The following EDC4 variants were observed in gnomAD, a reference collection of about 807,000 sequenced individuals.
EDC4 encodes enhancer of mRNA-decapping protein 4.
A neutral mutation model predicts 155.8 loss-of-function variants in EDC4; 64 were observed. The ratio of observed to expected loss-of-function variants is 0.41; its 90% CI spans 0.34 to 0.51. The LOEUF is 0.51. Among genes scored for constraint, EDC4 ranks in the 20% least tolerant of loss-of-function variants. The pLI, the probability that EDC4 is intolerant of heterozygous loss-of-function variation, is 0.19. For missense variants in EDC4, 1,303 were observed against 1,812.5 expected, an observed-to-expected ratio of 0.72 and a Z score of 5.10; for synonymous variants, 684 against 716.8, an observed-to-expected ratio of 0.95 and a Z score of 0.73.
chr16:67,879,493 C>T lies in EDC4; in HGVS notation c.1623C>T (p.His541=), dbSNP rs61741986. ...VVAPLPTHTA[H]EDFTFGESRP... Reference sequence around the variant, plus strand: ...CCCCACTGCCCACCCACACTGCCCACGAGGACTTCAGTGAGTAGGGCGTGA... The same window carrying T: ...CCCCACTGCCCACCCACACTGCCCATGAGGACTTCAGTGAGTAGGGCGTGA... The change falls in exon 14 of 29, where the codon CAC becomes CAT. Residue 541 remains histidine (H), a synonymous_variant. Coordinates refer to ENST00000358933, the MANE Select transcript of EDC4 (RefSeq NM_014329.5). The surrounding 1 kb of genome is among the most constrained non-coding windows in gnomAD (Gnocchi z 6.0). 981 of 1,614,188 alleles carry T rather than the reference C, an allele frequency of 6.1e-4. 7 individuals are homozygous for T. The African/African-American group carries it at 0.011, about 18-fold the overall frequency.
rs751956493 is a variant in EDC4, at chr16:67,880,241, A to C, written c.2097+25A>C. 68 of 1,573,780 alleles carry C rather than the reference A, an allele frequency of 4.3e-5. No homozygotes were observed. Among genetic ancestry groups the C allele is most frequent in the Non-Finnish European group, 5.5e-5 (64 of 1,161,650 alleles). On this transcript the variant is annotated intron_variant, in intron 17 of 28. Transcript: ENST00000358933. The surrounding 1 kb of genome is among the most constrained non-coding windows in gnomAD (Gnocchi z 5.2). The stretch of plus-strand genomic sequence containing the variant: ...GGTGTGTGACTGGGTGTGTGTGTGA[A>C]GTGTGGGGAGCAGGTGGGCAGCAGC...
intron 1 of EDC4, 179 bp downstream of exon 1, chr16:67,873,522 C>T: frequency 2.1e-6 from 1 of 472,342 alleles, no homozygotes; most frequent in Middle Eastern, 3.9e-4. Context: ...GTGACCCCTC[C>T]CTATCTTGTC....
chr16:67,877,158 T>C lies in EDC4; in HGVS notation c.452-59T>C, dbSNP rs2058045232. On this transcript the variant is annotated intron_variant, in intron 4 of 28. Transcript: ENST00000358933. The surrounding 1 kb of genome is among the most constrained non-coding windows in gnomAD (Gnocchi z 4.9). ...GCAGGGAGACAGGTGGGGCAGCGCT[T>C]CTCTGCTACTGCCTGAGCCTGGATA... The C allele has an allele frequency of 6.4e-7, 1 of 1,560,440 alleles. No individual in the cohort carries two copies. The highest frequency in any genetic ancestry group is 8.7e-7 in the Non-Finnish European group (1 of 1,151,570).
Position 67,883,805 on chromosome 16 carries a change from C to A in EDC4, c.4013+74C>A. 6.4e-7 allele frequency: 1 copy of A among 1,569,816 alleles called. No homozygotes were observed. The highest frequency in any genetic ancestry group is 8.7e-7 in the Non-Finnish European group (1 of 1,148,100). On this transcript the variant is annotated intron_variant, in intron 28 of 28. Transcript: ENST00000358933. This position sits in a 1 kb window ranked among gnomAD's most constrained non-coding sequence, Gnocchi z 5.3. ...GTGGGAGGGAGCAGTTTGAAGCTGA[C>A]GCCCACTTCTGCCTGAATCCTCTCC...
Position 67,881,664 on chromosome 16 carries a change from A to G in EDC4, c.2827-4A>G. ...CATCGTGTGACTGTCAGTGCTACTG[A>G]CAGGTGGCAGAGCCCCCTGAGGACT... On this transcript the variant is annotated splice_polypyrimidine_tract_variant and splice_region_variant and intron_variant, in intron 21 of 28. Transcript: ENST00000358933. The surrounding 1 kb of genome is among the most constrained non-coding windows in gnomAD (Gnocchi z 5.4). The G allele has an allele frequency of 6.2e-7, 1 of 1,611,458 alleles. No homozygotes were observed. Among genetic ancestry groups the G allele is most frequent in the Non-Finnish European group, 8.5e-7 (1 of 1,177,894 alleles).
Position 67,878,334 on chromosome 16 carries a change from C to G in EDC4, c.1005-26C>G. ...GAGGTAGCCCACCCGACCACTCACT[C>G]AGGCCCCTCATCTGCCTACCTGCAG... On this transcript the variant is annotated intron_variant, in intron 8 of 28. Coordinates refer to ENST00000358933, the MANE Select transcript of EDC4 (RefSeq NM_014329.5). The surrounding 1 kb of genome is among the most constrained non-coding windows in gnomAD (Gnocchi z 5.2). 6.2e-7 allele frequency: 1 copy of G among 1,614,240 alleles called. No homozygotes were observed. Among genetic ancestry groups the G allele is most frequent in the East Asian group, 2.2e-5 (1 of 44,890 alleles).
Position 67,882,556 on chromosome 16 carries a change from A to G in EDC4, c.3404A>G (p.Gln1135Arg). 2.5e-6 allele frequency: 4 copies of G among 1,614,246 alleles called. No homozygotes were observed. Among genetic ancestry groups the G allele is most frequent in the Non-Finnish European group, 3.4e-6 (4 of 1,180,040 alleles). Reference sequence around the variant, plus strand: ...GAGAAGAGCTGCCAGGCCATGTTCCAGCAAATCAATGATAGCTTCCGGCTG... The same window carrying G: ...GAGAAGAGCTGCCAGGCCATGTTCCGGCAAATCAATGATAGCTTCCGGCTG... Reference protein sequence around the residue: ...AFEKSCQAMFQQINDSFRLGT... With the variant: ...AFEKSCQAMFRQINDSFRLGT... The change falls in exon 25 of 29, where the codon CAG becomes CGG. Residue 1135 changes from glutamine to arginine, a missense_variant. Coordinates refer to ENST00000358933, the MANE Select transcript of EDC4 (RefSeq NM_014329.5). The surrounding 1 kb of genome is among the most constrained non-coding windows in gnomAD (Gnocchi z 7.2).
In EDC4 at chr16:67,879,351, G is replaced by A; in HGVS notation, c.1541+42G>A. 6.2e-7 allele frequency: 1 copy of A among 1,614,210 alleles called. No individual in the cohort carries two copies. Among genetic ancestry groups the A allele is most frequent in the Non-Finnish European group, 8.5e-7 (1 of 1,180,036 alleles). On this transcript the variant is annotated intron_variant, in intron 13 of 28. Transcript: ENST00000358933. This position sits in a 1 kb window ranked among gnomAD's most constrained non-coding sequence, Gnocchi z 6.0. ...GCCCGCCAGTGTCCTGTCTGTGTCT[G>A]TCTCCACTCTACTGACCCTTGCCCT...
In EDC4 at chr16:67,877,960, C is replaced by G. The variant is rs1315411056; in HGVS notation, c.894+115C>G. The G allele has an allele frequency of 2.0e-6, 3 of 1,521,558 alleles. No individual in the cohort carries two copies. In the East Asian group the frequency reaches 7.3e-5, roughly 37 times the overall value. The allele number at this position is 1,521,558 out of a possible 1,614,324, so 94.3% of individuals were successfully genotyped here. ...TACTAGCATTCTGCCCGTGGGGACT[C>G]TGAGCTCAAATTGGCCCTCACCTGT... On this transcript the variant is annotated intron_variant, in intron 7 of 28. Transcript: ENST00000358933. The surrounding 1 kb of genome is among the most constrained non-coding windows in gnomAD (Gnocchi z 4.9).
chr16:67,883,232 A>G lies in EDC4; in HGVS notation c.3849+55A>G. The stretch of plus-strand genomic sequence containing the variant: ...TCACGTGTCTCTTGACAAGGCCCAC[A>G]TACCATACATTCTACTCCACCCACC... On this transcript the variant is annotated intron_variant, in intron 27 of 28. Transcript: ENST00000358933. This position sits in a 1 kb window ranked among gnomAD's most constrained non-coding sequence, Gnocchi z 5.3. The G allele has an allele frequency of 5.3e-6, 8 of 1,503,538 alleles. No individual in the cohort carries two copies. The highest frequency in any genetic ancestry group is 1.4e-5 in the African/African-American group (1 of 72,674). 93.1% of individuals were successfully genotyped at this position (1,503,538 alleles called of 1,614,324 possible). A position where few individuals can be genotyped will look rare whatever the true frequency, so the allele number is the denominator to read the frequency against.
rs773650582 is a variant in EDC4 at position 67,877,490 on chromosome 16, C to T, written c.642-19C>T. Reference sequence around the variant, plus strand: ...CACGCCTCTTCATTCATCTATCTAGCCCTTAACACCCTGCTCAGAGAAGAG... The same window carrying T: ...CACGCCTCTTCATTCATCTATCTAGTCCTTAACACCCTGCTCAGAGAAGAG... On this transcript the variant is annotated intron_variant, in intron 5 of 28. Coordinates refer to ENST00000358933, the MANE Select transcript of EDC4 (RefSeq NM_014329.5). This position sits in a 1 kb window ranked among gnomAD's most constrained non-coding sequence, Gnocchi z 4.9. 6.2e-7 allele frequency: 1 copy of T among 1,613,906 alleles called. No individual in the cohort carries two copies. Among genetic ancestry groups the T allele is most frequent in the Non-Finnish European group, 8.5e-7 (1 of 1,179,870 alleles).
Position 67,881,626 on chromosome 16 carries a change from T to C in EDC4, c.2827-42T>C, listed in dbSNP as rs1190745834. The C allele has an allele frequency of 5.6e-6, 9 of 1,610,542 alleles. No homozygotes were observed. The highest frequency in any genetic ancestry group is 1.3e-5 in the African/African-American group (1 of 74,924). The stretch of plus-strand genomic sequence containing the variant: ...CATTCCCTGGTCTGGTGTGTGGGAA[T>C]AGGTGGGGCAGGCATCGTGTGACTG... On this transcript the variant is annotated intron_variant, in intron 21 of 28. Transcript: ENST00000358933. This position sits in a 1 kb window ranked among gnomAD's most constrained non-coding sequence, Gnocchi z 5.4.
Position 67,881,960 on chromosome 16 carries a change from G to T in EDC4, c.3011G>T (p.Arg1004Leu), listed in dbSNP as rs181868536. Residue 1004 changes from arginine (R) to leucine (L), a missense_variant, in exon 23 of 29, where the codon CGG becomes CTG. This residue lies in a region of EDC4 where 527 missense variants were observed against 757.0 expected (regional missense o/e 0.70). Coordinates refer to ENST00000358933, the MANE Select transcript of EDC4 (RefSeq NM_014329.5). The surrounding 1 kb of genome is among the most constrained non-coding windows in gnomAD (Gnocchi z 5.4). Reference sequence around the variant, plus strand: ...TTCCTTAGCTATGGCGCAGAGCGGCGGCTGGAGCGAGCACTGGCTGAGGGG... The same window carrying T: ...TTCCTTAGCTATGGCGCAGAGCGGCTGCTGGAGCGAGCACTGGCTGAGGGG... ...LETRHEQEQRRLERALAEGQQ... is the reference protein window; with the variant it reads ...LETRHEQEQRLLERALAEGQQ... 2.8e-4 allele frequency: 451 copies of T among 1,607,142 alleles called. No individual in the cohort carries two copies. The highest frequency in any genetic ancestry group is 3.6e-4 in the Non-Finnish European group (429 of 1,176,572).
chr16:67,877,154 C>T lies in EDC4; in HGVS notation c.452-63C>T, dbSNP rs137891960. On this transcript the variant is annotated intron_variant, in intron 4 of 28. Transcript: ENST00000358933. This position sits in a 1 kb window ranked among gnomAD's most constrained non-coding sequence, Gnocchi z 4.9. ...GGTGGCAGGGAGACAGGTGGGGCAG[C>T]GCTTCTCTGCTACTGCCTGAGCCTG... The T allele has an allele frequency of 3.2e-6, 5 of 1,550,964 alleles. No homozygotes were observed. Among genetic ancestry groups the T allele is most frequent in the South Asian group, 2.5e-5 (2 of 81,336 alleles).
chr16:67,884,121 T>C lies in EDC4; in HGVS notation c.4179T>C (p.His1393=), dbSNP rs2058083159. 6.2e-7 allele frequency: 1 copy of C among 1,612,274 alleles called. No homozygotes were observed. Among genetic ancestry groups the C allele is most frequent in the African/African-American group, 1.3e-5 (1 of 74,938 alleles). The change falls in exon 29 of 29, where the codon CAT becomes CAC. Residue 1393 remains histidine (H), a synonymous_variant. Transcript: ENST00000358933. The surrounding 1 kb of genome is among the most constrained non-coding windows in gnomAD (Gnocchi z 4.1). ...CTCGGCGTCTCAGCCTCATGCTGCA[T>C]GGCCTCGTGACCCCCAGCCTCCCTT... ...KAARRLSLML[H]GLVTPSLP is the part of the protein sequence containing the mutation.
Position 67,884,065 on chromosome 16 carries a change from GC to G in EDC4, c.4124del (p.Ala1375ValfsTer22). On this transcript the variant is annotated frameshift_variant, in exon 29 of 29. Transcript: ENST00000358933. LOFTEE classifies it high-confidence loss of function. The surrounding 1 kb of genome is among the most constrained non-coding windows in gnomAD (Gnocchi z 4.1). Reference protein sequence around the residue: ...VRQKLFQFLQAEPHNSLGKAA... With the variant: ...VRQKLFQFLQXEPHNSLGKAA... The stretch of plus-strand genomic sequence containing the variant: ...CCAAAAGCTTTTTCAGTTCCTGCAG[GC>G]TGAGCCACACAACTCACTTGGCAAA... 1 of 1,614,160 alleles carries G rather than the reference GC, an allele frequency of 6.2e-7. No homozygotes were observed.
In EDC4 at chr16:67,878,068, G is replaced by A; in HGVS notation, c.895-98G>A. 1.3e-6 allele frequency: 2 copies of A among 1,556,124 alleles called. No individual in the cohort carries two copies. Among genetic ancestry groups the A allele is most frequent in the South Asian group, 2.4e-5 (2 of 84,376 alleles). On this transcript the variant is annotated intron_variant, in intron 7 of 28. Coordinates refer to ENST00000358933, the MANE Select transcript of EDC4 (RefSeq NM_014329.5). The surrounding 1 kb of genome is among the most constrained non-coding windows in gnomAD (Gnocchi z 5.2). Reference sequence around the variant, plus strand: ...TTCATTTAGTCAGTCACACAAGCATGCCAGTCCCACCGTGAGTCAGCCCAG... The same window carrying A: ...TTCATTTAGTCAGTCACACAAGCATACCAGTCCCACCGTGAGTCAGCCCAG...
rs200306996 is a variant in EDC4 at position 67,881,064 on chromosome 16, C to G, written c.2532-12C>G. 1.3e-5 allele frequency: 21 copies of G among 1,613,932 alleles called. No homozygotes were observed. In the East Asian group the frequency reaches 4.0e-4, roughly 31 times the overall value. On this transcript the variant is annotated splice_polypyrimidine_tract_variant and intron_variant, in intron 18 of 28. Transcript: ENST00000358933. The surrounding 1 kb of genome is among the most constrained non-coding windows in gnomAD (Gnocchi z 5.4). ...TAGATTCATCCATGGCTAAGTTGGCCTGTCCTCCCAGCCCCAGGAATGGCC... is the reference window on the plus strand; with the variant it reads ...TAGATTCATCCATGGCTAAGTTGGCGTGTCCTCCCAGCCCCAGGAATGGCC...
In EDC4 at chr16:67,882,384, A is replaced by G. The variant is rs1203644633; in HGVS notation, c.3277-45A>G. 1 of 1,612,930 alleles carries G rather than the reference A, an allele frequency of 6.2e-7. No homozygotes were observed. Among genetic ancestry groups the G allele is most frequent in the African/African-American group, 1.3e-5 (1 of 75,034 alleles). On this transcript the variant is annotated intron_variant, in intron 24 of 28. Coordinates refer to ENST00000358933, the MANE Select transcript of EDC4 (RefSeq NM_014329.5). This position sits in a 1 kb window ranked among gnomAD's most constrained non-coding sequence, Gnocchi z 7.2. ...GGTGGTTCCTGGGCCTAGTCAGGCC[A>G]GGCTGGGCTCAGGCTTTCAACTTGG...
Sources: gnomAD v4.1 joint callset for allele counts on GRCh38, gnomAD v4.1.1 for gene constraint, gnomAD v4.1.1 regional missense constraint, Gnocchi (gnomAD v3.1) non-coding constraint, MANE v1.5 for transcripts, NCBI Gene and HGNC (gene_info 2026-07-23, HGNC 2026-07-21) for gene names.